The following RREB1 variants were observed in gnomAD, a reference collection of about 807,000 sequenced individuals.
RREB1 encodes the protein ras-responsive element-binding protein 1.
In RREB1, 27 loss-of-function variants were observed where a neutral mutation model predicts 117.8. That is an observed-to-expected ratio of 0.23 (90% CI 0.17 to 0.32). The LOEUF (loss-of-function observed/expected upper bound fraction) is 0.32. RREB1 is among the 10% of genes least tolerant of loss of function. The probability of loss-of-function intolerance (pLI) is 1.00; values close to 1 mark genes in which losing one functional copy is unlikely to be tolerated. For synonymous variants in RREB1, 1,298 were observed against 1,026.7 expected (o/e 1.26, Z -5.05); for missense variants, 2,577 against 2,378.2 (o/e 1.08, Z -1.74).
chr6:7,223,098 T>A (rs1007078184), intron 8 of RREB1, among the ~76,000 whole-genome samples: 5 of 151,096 alleles, frequency 3.3e-5, no homozygotes, highest in African/African-American at 1.2e-4. Flanking sequence ...CTACAAAAAA[T>A]TTTAAAAATT....
At position 7,251,159 on chromosome 6, in the gene RREB1, C is replaced by T. The variant is rs948960493; in HGVS notation, c.*2191C>T. On this transcript the variant is annotated 3_prime_UTR_variant, in exon 13 of 13. Transcript: ENST00000379938. ...CTCCCAGCGACGTGTGTAGCTGGGGCTGCCGCTCGCAATAATCACTATTGA... is the reference window on the plus strand; with the variant it reads ...CTCCCAGCGACGTGTGTAGCTGGGGTTGCCGCTCGCAATAATCACTATTGA... 2 of 152,154 alleles carry T rather than the reference C, an allele frequency of 1.3e-5. No homozygotes were observed. The highest frequency in any genetic ancestry group is 4.1e-4 in the South Asian group (2 of 4,830). 9.4% of individuals were successfully genotyped at this position (152,154 alleles called of 1,614,324 possible). A position where few individuals can be genotyped will look rare whatever the true frequency, so the allele number is the denominator to read the frequency against.
Position 7,246,805 on chromosome 6 carries a change from C to G in RREB1, c.4355C>G (p.Thr1452Ser). ...ASQEQKLACD[T>S]CGKSFKFLGT... ...CAGGAGCAGAAGCTCGCCTGCGACA[C>G]CTGTGGGAAGAGCTTCAAGTTCCTG... Residue 1452 changes from threonine to serine, a missense_variant, in exon 12 of 13, where the codon ACC (threonine) becomes AGC (serine). Coordinates refer to ENST00000379938, the MANE Select transcript of RREB1 (RefSeq NM_001003699.4). The G allele has an allele frequency of 1.3e-6, 2 of 1,553,628 alleles. No individual in the cohort carries two copies. The highest frequency in any genetic ancestry group is 1.2e-5 in the South Asian group (1 of 84,422).
chr6:7,193,235 T>G (rs756392540), intron 6 of RREB1, among the ~76,000 whole-genome samples: 1 of 152,248 alleles, frequency 6.6e-6, no homozygotes. Context: ...GTACTGAGAC[T>G]TGTTTTATCA....
chr6:7,240,296 C>A (rs78174125), intron 10 of RREB1, 142 bp from the exon 11 acceptor site: 1 of 446,808 alleles, frequency 2.2e-6, no homozygotes. Context: ...TTTTTTTTTT[C>A]TAATGTGTTT....
chr6:7,198,493 C>T (rs967236454), intron 6 of RREB1, among the ~76,000 whole-genome samples: 2 of 152,198 alleles, frequency 1.3e-5, no homozygotes, highest in Admixed American at 6.5e-5. Context: ...GATCTTAACA[C>T]ATTTAACTCC....
At chr6:7,178,919 C>T (rs1173700566) in intron 2 of RREB1, among the ~76,000 whole-genome samples, 1 of 152,170 alleles carries the variant, frequency 6.6e-6, no homozygotes, top group African/African-American at 2.4e-5. Flanking sequence ...TTCTCCTTTT[C>T]AAGTGGGATA....
rs1769338272 is a variant in RREB1 at position 7,249,930 on chromosome 6, G to A, written c.*962G>A. The stretch of plus-strand genomic sequence containing the variant: ...GTCCCCGTGTTAACGTGTGCCTGCG[G>A]TTGTGGTTGGCACCCTCGGGTGGTA... On this transcript the variant is annotated 3_prime_UTR_variant, in exon 13 of 13. Coordinates refer to ENST00000379938, the MANE Select transcript of RREB1 (RefSeq NM_001003699.4). 6.6e-6 allele frequency: 1 copy of A among 152,598 alleles called. No individual in the cohort carries two copies. Among genetic ancestry groups the A allele is most frequent in the South Asian group, 2.1e-4 (1 of 4,828 alleles). 9.5% of individuals were successfully genotyped at this position (152,598 alleles called of 1,614,324 possible). A position where few individuals can be genotyped will look rare whatever the true frequency, so the allele number is the denominator to read the frequency against.
intron 8 of RREB1, among the ~76,000 whole-genome samples, chr6:7,224,582 G>A (rs1431876805): frequency 6.6e-6 from 1 of 152,144 alleles, no homozygotes; most frequent in Non-Finnish European, 1.5e-5. Context: ...TTGCCTCCAA[G>A]GGTCACTGTC....
chr6:7,236,897 T>TTG (rs1455386715), intron 10 of RREB1, among the ~76,000 whole-genome samples: 1 of 135,666 alleles, frequency 7.4e-6, no homozygotes, highest in East Asian at 2.1e-4. Context: ...GTTTTTTTTT[T>TTG]TTTTTTTTTT....
At chr6:7,136,737 A>G (rs1762362422) in intron 1 of RREB1, among the ~76,000 whole-genome samples, 1 of 152,278 alleles carries the variant, frequency 6.6e-6, no homozygotes, top group South Asian at 2.1e-4. Context: ...TTAAAACAAT[A>G]AATAAAGCAT....
At chr6:7,142,254 A>C (rs71559150) in intron 1 of RREB1, among the ~76,000 whole-genome samples, 2,540 of 149,914 alleles carry the variant, frequency 0.017, 34 homozygotes, top group Admixed American at 0.024. Context: ...CTGAGAATGG[A>C]GGTGGAGGAC....
chr6:7,232,061 G>A (rs1202713187), intron 10 of RREB1, among the ~76,000 whole-genome samples, 154 bp downstream of exon 10: 1 of 152,196 alleles, frequency 6.6e-6, no homozygotes, highest in Non-Finnish European at 1.5e-5. Context: ...TTGTCTGGTG[G>A]TGCTGTATTT....
rs4435992 is a variant in RREB1 at position 7,163,733 on chromosome 6, T to C, written c.-284-12922T>C. 8.4e-3 allele frequency among the ~76,000 whole-genome samples: 1,274 copies of C among 152,258 alleles called. 66 individuals carry two copies. Among genetic ancestry groups the C allele is most frequent in the Admixed American group, 0.076 (1,157 of 15,282 alleles). On this transcript the variant is annotated intron_variant, in intron 1 of 12. Transcript: ENST00000379938. ...TTGTGGGGCTGGCAGAGCATGAAAT[T>C]GAGTTTGTGTGAGCACGTGTGTGCC...
chr6:7,148,724 A>C (rs972919399), intron 1 of RREB1, among the ~76,000 whole-genome samples: 2 of 152,178 alleles, frequency 1.3e-5, no homozygotes, highest in African/African-American at 4.8e-5. Flanking sequence ...GGAGTTTTAT[A>C]TGGAAAATTA....
intron 8 of RREB1, among the ~76,000 whole-genome samples, chr6:7,225,165 G>A (rs1767510873): frequency 6.6e-6 from 1 of 152,220 alleles, no homozygotes; most frequent in Non-Finnish European, 1.5e-5. Flanking sequence ...ACGTAAGCAA[G>A]TGGCTTTGCC....
Position 7,230,640 on chromosome 6 carries a change from C to T in RREB1, c.2541C>T (p.Asp847=), listed in dbSNP as rs776555171. Reference sequence around the variant, plus strand: ...CTGAGGCGTCGGGGCGCGGGGAGGACAGTGGCTGCGCTGCCCTTGGTGACT... The same window carrying T: ...CTGAGGCGTCGGGGCGCGGGGAGGATAGTGGCTGCGCTGCCCTTGGTGACT... ...PAAEASGRGE[D]SGCAALGDCK... The change falls in exon 10 of 13, where the codon GAC becomes GAT. Residue 847 remains aspartate, a synonymous_variant. Coordinates refer to ENST00000379938, the MANE Select transcript of RREB1 (RefSeq NM_001003699.4). The T allele has an allele frequency of 1.9e-6, 3 of 1,602,890 alleles. No homozygotes were observed. The East Asian group carries it at 6.7e-5, about 36-fold the overall frequency.
intron 1 of RREB1, among the ~76,000 whole-genome samples, chr6:7,129,035 C>G (rs1485697696): frequency 6.6e-6 from 1 of 152,164 alleles, no homozygotes; most frequent in East Asian, 1.9e-4. Context: ...CTGAAATATC[C>G]TTAATTGAGC....
chr6:7,181,811 C>T (rs1764813665), intron 3 of RREB1, 59 bp from the exon 4 acceptor site: 4 of 1,236,996 alleles, frequency 3.2e-6, no homozygotes, highest in Non-Finnish European at 4.7e-6. Context: ...CCAGCGCCCC[C>T]TGGCAATGAC....
In RREB1 at chr6:7,167,575, G is replaced by A. The variant is rs540955032; in HGVS notation, c.-284-9080G>A. ...TCACTATGTTGGCCAGGCTGGTCTCGAACTCCTGACCTCAGGCAGTCTACC... is the reference window on the plus strand; with the variant it reads ...TCACTATGTTGGCCAGGCTGGTCTCAAACTCCTGACCTCAGGCAGTCTACC... On this transcript the variant is annotated intron_variant, in intron 1 of 12. Transcript: ENST00000379938. Among the ~76,000 whole-genome samples, 246 of 152,132 alleles carry A rather than the reference G, an allele frequency of 1.6e-3. 1 individual carries two copies. Among genetic ancestry groups the A allele is most frequent in the Non-Finnish European group, 2.9e-3 (194 of 67,978 alleles).
Sources: gnomAD v4.1 joint callset for allele counts (sites outside exome capture counted in the v4.1 genomes callset) on GRCh38, gnomAD v4.1.1 for gene constraint, MANE v1.5 for transcripts, NCBI Gene and HGNC (gene_info 2026-07-23, HGNC 2026-07-21) for gene names.